The following NFRKB variants were observed in gnomAD, a reference collection of about 807,000 sequenced individuals.
The protein encoded by NFRKB is nuclear factor related to kappaB binding protein.
NFRKB carries 62 observed loss-of-function variants against 135.7 expected under a neutral mutation model. That is an observed-to-expected ratio of 0.46 (90% CI 0.37 to 0.56). The LOEUF (loss-of-function observed/expected upper bound fraction) is 0.56. Among genes scored for constraint, NFRKB ranks in the 20% least tolerant of loss-of-function variants. The pLI, the probability that NFRKB is intolerant of heterozygous loss-of-function variation, is 0.00. For synonymous variants in NFRKB, 678 were observed against 635.6 expected (o/e 1.07, Z -1.00); for missense variants, 1,545 against 1,662.0 (o/e 0.93, Z 1.22).
In NFRKB at chr11:129,876,824, C is replaced by T. The variant is rs746169036; in HGVS notation, c.1644G>A (p.Gly548=). The T allele has an allele frequency of 6.2e-7, 1 of 1,614,124 alleles. No homozygotes were observed. The highest frequency in any genetic ancestry group is 1.1e-5 in the South Asian group (1 of 91,074). ...FRMHGFESVV[G]PVKGVFDKET... ...CCTTGTCAAACACGCCCTTCACTGG[C>T]CCCACCACAGACTCAAAGCCGTGCA... Residue 548 remains glycine, a synonymous_variant, in exon 17 of 27, where the codon GGG becomes GGA. Transcript: ENST00000682444.
intron 16 of NFRKB, 82 bp downstream of exon 16, chr11:129,877,243 T>G: frequency 7.4e-7 from 1 of 1,345,128 alleles, no homozygotes; most frequent in South Asian, 1.2e-5. Flanking sequence ...TGCAAGAAGG[T>G]AGATGCAGGA....
In NFRKB at chr11:129,873,962, G is replaced by A. The variant is rs557840039; in HGVS notation, c.2333C>T (p.Pro778Leu). ...TMPHLGTMLSPASSQTAPSSQ... is the reference protein window; with the variant it reads ...TMPHLGTMLSLASSQTAPSSQ... ...ACTGGGTGCAGTCTGGCTGGAAGCT[G>A]GGGAAAGCATTGTTCCCAGATGTGG... The change falls in exon 22 of 27, where the codon CCA (proline) becomes CTA (leucine). Residue 778 changes from proline to leucine, a missense_variant. Pro to Leu is a moderately conservative substitution (Grantham distance 98, BLOSUM62 -3). Coordinates refer to ENST00000682444, the MANE Select transcript of NFRKB (RefSeq NM_001143835.2). 109 of 1,612,910 alleles carry A rather than the reference G, an allele frequency of 6.8e-5. No homozygotes were observed. In the East Asian group the frequency reaches 2.0e-3, roughly 30 times the overall value.
intron 6 of NFRKB, 107 bp downstream of exon 6, chr11:129,885,328 G>C: frequency 7.7e-7 from 1 of 1,302,786 alleles, no homozygotes; most frequent in African/African-American, 1.5e-5. Flanking sequence ...GACAACTCAA[G>C]AGGGTTTCTT....
At position 129,881,766 on chromosome 11, in the gene NFRKB, C is replaced by T. The variant is rs781016437; in HGVS notation, c.1279G>A (p.Val427Ile). 1.9e-6 allele frequency: 3 copies of T among 1,614,078 alleles called. No homozygotes were observed. Among genetic ancestry groups the T allele is most frequent in the Non-Finnish European group, 2.5e-6 (3 of 1,179,990 alleles). The change falls in exon 12 of 27, where the codon GTA becomes ATA. Residue 427 changes from valine (V) to isoleucine (I), a missense_variant. Coordinates refer to ENST00000682444, the MANE Select transcript of NFRKB (RefSeq NM_001143835.2). ...GCAAGATACTGCAGGGCTGGTAGTA[C>T]CAACTCAGCCCAGTTGGGGGCCGCA... ...FSAAPNWAELVLPALQYLAGE... is the reference protein window; with the variant it reads ...FSAAPNWAELILPALQYLAGE...
rs1028127739 is a variant in NFRKB at position 129,872,798 on chromosome 11, A to C, written c.2763+86T>G. On this transcript the variant is annotated intron_variant, in intron 23 of 26. Transcript: ENST00000682444. ...GATGACAAATCTTCTTCCCATGGGC[A>C]TGCAGTCTGGCCAAGAACCTCCAGC... is the stretch of plus-strand genomic sequence containing the variant. 3 of 1,330,446 alleles carry C rather than the reference A, an allele frequency of 2.3e-6. No homozygotes were observed. The South Asian group carries it at 4.2e-5, about 19-fold the overall frequency. The allele number at this position is 1,330,446 out of a possible 1,614,324, so 82.4% of individuals were successfully genotyped here. A position where few individuals can be genotyped will look rare whatever the true frequency, so the allele number is the denominator to read the frequency against.
chr11:129,887,411 T>C (rs1411203484), intron 4 of NFRKB, among the ~76,000 whole-genome samples: 1 of 152,218 alleles, frequency 6.6e-6, no homozygotes, highest in Non-Finnish European at 1.5e-5. Flanking sequence ...TGAGCAAATG[T>C]GGCTTTACCA....
chr11:129,868,626 T>C (rs903234906), intron 24 of NFRKB, among the ~76,000 whole-genome samples: 22 of 152,180 alleles, frequency 1.4e-4, no homozygotes, highest in Admixed American at 2.0e-4. Flanking sequence ...TGGCTAACAG[T>C]GGAAACGCAT....
At chr11:129,865,208 A>G in intron 25 of NFRKB, 107 bp from the exon 26 acceptor site, 1 of 1,347,456 alleles carries the variant, frequency 7.4e-7, no homozygotes, top group Non-Finnish European at 1.0e-6. Flanking sequence ...GCCAATGAAA[A>G]TCCCAGCATT....
In NFRKB at chr11:129,873,731, G is replaced by C. The variant is rs1213344951; in HGVS notation, c.2550+14C>G. 6.2e-7 allele frequency: 1 copy of C among 1,607,826 alleles called. No individual in the cohort carries two copies. Among genetic ancestry groups the C allele is most frequent in the Non-Finnish European group, 8.5e-7 (1 of 1,174,692 alleles). Reference sequence around the variant, plus strand: ...GCATCTCTGCTTCCCAATGACCACGGCTTCCCTGTTTACCTGGGGCACTAC... The same window carrying C: ...GCATCTCTGCTTCCCAATGACCACGCCTTCCCTGTTTACCTGGGGCACTAC... On this transcript the variant is annotated intron_variant, in intron 22 of 26. Coordinates refer to ENST00000682444, the MANE Select transcript of NFRKB (RefSeq NM_001143835.2).
At chr11:129,880,590 C>G (rs1948981402) in intron 13 of NFRKB, among the ~76,000 whole-genome samples, 1 of 152,162 alleles carries the variant, frequency 6.6e-6, no homozygotes, top group Non-Finnish European at 1.5e-5. Flanking sequence ...CAGGAAGGTC[C>G]TCCAAACTCT....
intron 4 of NFRKB, among the ~76,000 whole-genome samples, chr11:129,887,541 C>T (rs1949335275): frequency 6.6e-6 from 1 of 152,164 alleles, no homozygotes; most frequent in Non-Finnish European, 1.5e-5. Context: ...AACAAAATGA[C>T]AAATTCCCAA....
chr11:129,882,218 G>C (rs1949061953), intron 10 of NFRKB, 24 bp from the exon 11 acceptor site: 2 of 1,573,938 alleles, frequency 1.3e-6, no homozygotes, highest in Non-Finnish European at 1.7e-6. Context: ...AAAAATATAA[G>C]AACCAAAAAG....
intron 24 of NFRKB, among the ~76,000 whole-genome samples, chr11:129,866,266 A>G (rs926548634): frequency 3.9e-5 from 6 of 152,120 alleles, no homozygotes; most frequent in African/African-American, 1.4e-4. Flanking sequence ...CCTGTATCTA[A>G]ATCACAAAGG....
At chr11:129,875,843 G>C (rs941200736) in intron 17 of NFRKB, among the ~76,000 whole-genome samples, 5 of 151,902 alleles carry the variant, frequency 3.3e-5, no homozygotes, top group African/African-American at 9.7e-5. Context: ...TTTTAGTAGA[G>C]ACAGGGTTTC....
intron 1 of NFRKB, among the ~76,000 whole-genome samples, chr11:129,894,733 G>A (rs903848285): frequency 7.2e-5 from 11 of 152,200 alleles, no homozygotes; most frequent in Non-Finnish European, 5.9e-5. Context: ...GCCTAAATAA[G>A]TGAAGCGGGT....
chr11:129,870,344 T>C, intron 23 of NFRKB, 83 bp from the exon 24 acceptor site: 2 of 1,443,518 alleles, frequency 1.4e-6, no homozygotes, highest in African/African-American at 1.4e-5. Context: ...TTCCGTTTCA[T>C]GGGTAGATGT....
intron 14 of NFRKB, 47 bp from the exon 15 acceptor site, chr11:129,878,402 G>A: frequency 6.2e-7 from 1 of 1,613,354 alleles, no homozygotes; most frequent in Non-Finnish European, 8.5e-7. Context: ...AAAGAATTTG[G>A]GCAAACTTAA....
intron 2 of NFRKB, chr11:129,894,030 T>A (rs1949672230): frequency 6.6e-6 from 1 of 152,188 alleles, no homozygotes; most frequent in African/African-American, 2.4e-5. Context: ...ATCCGTATAA[T>A]CATGTAAATT....
In NFRKB at chr11:129,864,797, G is replaced by T. The variant is rs568541057; in HGVS notation, c.3828C>A (p.Gly1276=). 1.2e-6 allele frequency: 2 copies of T among 1,614,128 alleles called. No individual in the cohort carries two copies. The highest frequency in any genetic ancestry group is 1.7e-6 in the Non-Finnish European group (2 of 1,180,056). ...ASHLQQGTAS[G]SSKAVSTVVV... ...CAACAGTGGAGACTGCTTTGGAGGA[G>T]CCAGAAGCTGTTCCCTGTTGGAGAT... The change falls in exon 27 of 27, where the codon GGC becomes GGA. Residue 1276 remains glycine (G), a synonymous_variant. Coordinates refer to ENST00000682444, the MANE Select transcript of NFRKB (RefSeq NM_001143835.2).
Sources: allele counts gnomAD v4.1 joint callset (sites outside exome capture counted in the v4.1 genomes callset), GRCh38; gene constraint gnomAD v4.1.1; transcripts MANE v1.5; gene names NCBI Gene and HGNC (gene_info 2026-07-23, HGNC 2026-07-21).